Variants in NEDD1 observed in about 807,000 individuals in gnomAD.
NEDD1 encodes the protein protein NEDD1.
A neutral mutation model predicts 74.0 loss-of-function variants in NEDD1; 33 were observed. That is an observed-to-expected ratio of 0.45 (90% CI 0.34 to 0.60). The LOEUF (loss-of-function observed/expected upper bound fraction) is 0.60. NEDD1 is among the 20% of genes least tolerant of loss of function. NEDD1 has a pLI of 0.01. For synonymous variants in NEDD1, 250 were observed against 264.4 expected (o/e 0.95, Z 0.53); for missense variants, 746 against 776.5 (o/e 0.96, Z 0.47).
intron 10 of NEDD1, among the ~76,000 whole-genome samples, chr12:96,941,341 CTT>C (rs889541839): frequency 2.0e-5 from 3 of 152,032 alleles, no homozygotes; most frequent in Non-Finnish European, 2.9e-5. Context: ...AAAATTGTCT[CTT>C]TTCCAAATGT....
intron 7 of NEDD1, among the ~76,000 whole-genome samples, chr12:96,935,608 G>A (rs982741178): frequency 2.0e-5 from 3 of 152,186 alleles, no homozygotes; most frequent in Admixed American, 6.5e-5. Context: ...CCTGGGTATT[G>A]TAGGATATTC....
At chr12:96,908,886 T>C (rs888492070) in intron 2 of NEDD1, among the ~76,000 whole-genome samples, 1 of 152,096 alleles carries the variant, frequency 6.6e-6, no homozygotes, top group African/African-American at 2.4e-5. Flanking sequence ...AATAAAAATT[T>C]CAGATAGTGG....
rs1592943169 is a variant in NEDD1, at chr12:96,952,607, T to C, written c.*554T>C. 6.6e-6 allele frequency: 1 copy of C among 151,928 alleles called. No homozygotes were observed. The highest frequency in any genetic ancestry group is 1.5e-5 in the Non-Finnish European group (1 of 67,720). The allele number at this position is 151,928 out of a possible 1,614,324, so 9.4% of individuals were successfully genotyped here. The stretch of plus-strand genomic sequence containing the variant: ...ATTTATTGTACATTTGATAAGACAA[T>C]TTTTGGAATTTTGAATTGCACAAAT... On this transcript the variant is annotated 3_prime_UTR_variant, in exon 16 of 16. Coordinates refer to ENST00000266742, the MANE Select transcript of NEDD1 (RefSeq NM_152905.4).
intron 6 of NEDD1, among the ~76,000 whole-genome samples, chr12:96,933,667 T>G (rs1232661201): frequency 6.6e-6 from 1 of 152,122 alleles, no homozygotes; most frequent in Non-Finnish European, 1.5e-5. Context: ...TCCTTTTTGT[T>G]TTTTTTTCTT....
intron 4 of NEDD1, among the ~76,000 whole-genome samples, chr12:96,914,277 A>G (rs771642539): frequency 6.6e-6 from 1 of 152,158 alleles, no homozygotes; most frequent in Non-Finnish European, 1.5e-5. Flanking sequence ...TATATGTACT[A>G]CTGTTATGCA....
rs1878292251 is a variant in NEDD1, at chr12:96,947,304, T to C, written c.1811+1455T>C. On this transcript the variant is annotated intron_variant, in intron 14 of 15. Transcript: ENST00000266742. The stretch of plus-strand genomic sequence containing the variant: ...ATAATACAGTGTGAGCAAAGTGATG[T>C]TGAAATCACAGAAAGGGAGCAGTTC... Among the ~76,000 whole-genome samples, 4 of 152,178 alleles carry C rather than the reference T, an allele frequency of 2.6e-5. No homozygotes were observed. In the South Asian group the frequency reaches 6.2e-4, roughly 24 times the overall value.
intron 5 of NEDD1, among the ~76,000 whole-genome samples, chr12:96,919,584 T>A (rs1022645439): frequency 1.3e-5 from 2 of 152,220 alleles, no homozygotes; most frequent in African/African-American, 4.8e-5. Flanking sequence ...CAGCTTTATG[T>A]CTTCCATAAA....
In NEDD1 at chr12:96,907,716, T is replaced by A; in HGVS notation, c.-149T>A. 1 of 1,550,492 alleles carries A rather than the reference T, an allele frequency of 6.4e-7. No homozygotes were observed. Among genetic ancestry groups the A allele is most frequent in the Non-Finnish European group, 8.7e-7 (1 of 1,146,442 alleles). ...TTTCATTTCAGCTGAGTGGTGTAGT[T>A]GAATTGGTTCCTGTAGCCGCTGTCC... On this transcript the variant is annotated 5_prime_UTR_variant, in exon 2 of 16. Transcript: ENST00000266742.
chr12:96,934,900 A>G (rs1592909459), intron 6 of NEDD1, 76 bp from the exon 7 acceptor site: 1 of 947,388 alleles, frequency 1.1e-6, no homozygotes, highest in African/African-American at 1.6e-5. Context: ...GTGGTTGGCC[A>G]TAATTTATAT....
At chr12:96,930,174 CACACACACACACACACACACACA>C in intron 6 of NEDD1, among the ~76,000 whole-genome samples, 1 of 39,332 alleles carries the variant, frequency 2.5e-5, no homozygotes, top group Non-Finnish European at 5.7e-5. Flanking sequence ...CACACACACA[CACACACACACACACACACACACA>C]CACACACACA....
intron 6 of NEDD1, among the ~76,000 whole-genome samples, chr12:96,924,100 T>G (rs992392031): frequency 6.6e-6 from 1 of 152,190 alleles, no homozygotes; most frequent in African/African-American, 2.4e-5. Flanking sequence ...GATATCTAAT[T>G]GTACCAATGT....
intron 7 of NEDD1, 135 bp from the exon 8 acceptor site, chr12:96,936,469 TTAAACAA>T (rs746154989): frequency 1.6e-6 from 1 of 611,328 alleles, no homozygotes; most frequent in Non-Finnish European, 2.9e-6. Flanking sequence ...AAATTATGCT[TTAAACAA>T]ATATTTGGGA....
chr12:96,915,003 G>A (rs1282528802), intron 4 of NEDD1, among the ~76,000 whole-genome samples: 1 of 152,104 alleles, frequency 6.6e-6, no homozygotes, highest in African/African-American at 2.4e-5. Flanking sequence ...TTTATTTAAA[G>A]GCTGTTTTGA....
rs144422652 is a variant in NEDD1, at chr12:96,913,404, C to T, written c.231+587C>T. 1.3e-3 allele frequency among the ~76,000 whole-genome samples: 199 copies of T among 151,592 alleles called. 3 individuals carry two copies. In the South Asian group the frequency reaches 0.04, roughly 30 times the overall value. ...TTTTTTTTCTTTTGAGATGGAGTCTCGCTCTGTTGCCCAGGCTGGAGTGCA... is the reference window on the plus strand; with the variant it reads ...TTTTTTTTCTTTTGAGATGGAGTCTTGCTCTGTTGCCCAGGCTGGAGTGCA... On this transcript the variant is annotated intron_variant, in intron 4 of 15. Transcript: ENST00000266742.
intron 14 of NEDD1, among the ~76,000 whole-genome samples, chr12:96,947,635 G>A (rs1592934511): frequency 6.6e-6 from 1 of 152,278 alleles, no homozygotes; most frequent in East Asian, 1.9e-4. Flanking sequence ...TGGGCTCAGG[G>A]CCTTTCCTTC....
intron 6 of NEDD1, among the ~76,000 whole-genome samples, chr12:96,922,064 A>G (rs1177888727): frequency 6.6e-6 from 1 of 152,224 alleles, no homozygotes; most frequent in Non-Finnish European, 1.5e-5. Flanking sequence ...ATGTCACACA[A>G]AAGACTTGTT....
At chr12:96,929,624 T>TA (rs34602531) in intron 6 of NEDD1, among the ~76,000 whole-genome samples, 62,942 of 124,992 alleles carry the variant, frequency 0.5, 14,721 homozygotes, top group Admixed American at 0.58. Flanking sequence ...TATATATATA[T>TA]TTTTTTTTTA....
chr12:96,937,010 A>G (rs983359866), intron 8 of NEDD1, among the ~76,000 whole-genome samples, 188 bp from the exon 9 acceptor site: 22 of 150,260 alleles, frequency 1.5e-4, no homozygotes, highest in African/African-American at 5.1e-4. Flanking sequence ...TTTTCTCCTT[A>G]TATATCTCTC....
At position 96,920,016 on chromosome 12, in the gene NEDD1, A is replaced by G; in HGVS notation, c.380A>G (p.Tyr127Cys). 2 of 1,605,584 alleles carry G rather than the reference A, an allele frequency of 1.2e-6. No individual in the cohort carries two copies. Among genetic ancestry groups the G allele is most frequent in the South Asian group, 1.1e-5 (1 of 90,718 alleles). Reference sequence around the variant, plus strand: ...AAAGATCAAGTAACTTGTGTAACATACAATTGGAATGATTGCTACATTGCT... The same window carrying G: ...AAAGATCAAGTAACTTGTGTAACATGCAATTGGAATGATTGCTACATTGCT... ...DHKDQVTCVTYNWNDCYIASG... is the reference protein window; with the variant it reads ...DHKDQVTCVTCNWNDCYIASG... Residue 127 changes from tyrosine (Y) to cysteine (C), a missense_variant, in exon 6 of 16, where the codon TAC becomes TGC. Around this residue, in one of 3 missense-constraint regions of NEDD1, gnomAD observed 706 missense variants for 706.7 expected, o/e 1.00. Transcript: ENST00000266742.
Sources: gnomAD v4.1 joint callset for allele counts (sites outside exome capture counted in the v4.1 genomes callset) on GRCh38, gnomAD v4.1.1 for gene constraint, gnomAD v4.1.1 regional missense constraint, MANE v1.5 for transcripts, NCBI Gene and HGNC (gene_info 2026-07-23, HGNC 2026-07-21) for gene names.